The following HIVEP3 variants were observed in gnomAD, a reference collection of about 807,000 sequenced individuals.
HIVEP3 encodes HIVEP zinc finger 3.
HIVEP3 carries 49 observed loss-of-function variants against 152.8 expected under a neutral mutation model. The ratio of observed to expected loss-of-function variants is 0.32; its 90% CI spans 0.26 to 0.41. The LOEUF is 0.41. HIVEP3 is among the 10% of genes least tolerant of loss of function. HIVEP3 has a pLI of 1.00. For missense variants in HIVEP3, 2,790 were observed against 3,103.3 expected (o/e 0.90, Z 2.40); for synonymous variants, 1,269 against 1,289.0 (o/e 0.98, Z 0.33).
chr1:41,545,260 CCACTACCACCACCAT>C (rs1192124338), intron 5 of HIVEP3, among the ~76,000 whole-genome samples: 8 of 143,018 alleles, frequency 5.6e-5, no homozygotes, highest in African/African-American at 2.1e-4. Context: ...ACCACTACCA[CCACTACCACCACCAT>C]CACTACCACC....
intron 5 of HIVEP3, among the ~76,000 whole-genome samples, chr1:41,531,865 G>A (rs111162027): frequency 0.036 from 1,840 of 51,132 alleles, 3 homozygotes; most frequent in East Asian, 0.14. Flanking sequence ...GGGAGATGGA[G>A]GACAGGAGAG....
At chr1:41,512,639 G>C (rs572341699) in intron 8 of HIVEP3, among the ~76,000 whole-genome samples, 177 bp downstream of exon 8, 10 of 152,358 alleles carry the variant, frequency 6.6e-5, no homozygotes, top group Middle Eastern at 3.4e-3. Context: ...AGCTGATTTA[G>C]GGCAGCCAGC....
At position 41,511,324 on chromosome 1, in the gene HIVEP3, G is replaced by T; in HGVS notation, c.6406-58C>A. The T allele has an allele frequency of 7.0e-7, 1 of 1,421,064 alleles. No homozygotes were observed. The highest frequency in any genetic ancestry group is 9.4e-7 in the Non-Finnish European group (1 of 1,059,622). The allele number at this position is 1,421,064 out of a possible 1,614,324, so 88.0% of individuals were successfully genotyped here. ...AGGTTACATGCTGGGCACATGGGGA[G>T]CCGAGGCCTGGAAGTGGGAGGGGGA... On this transcript the variant is annotated intron_variant, in intron 8 of 8. Transcript: ENST00000372583. This position sits in a 1 kb window ranked among gnomAD's most constrained non-coding sequence, Gnocchi z 4.9.
intron 1 of HIVEP3, among the ~76,000 whole-genome samples, chr1:41,888,566 C>A (rs1018015574): frequency 6.6e-6 from 1 of 151,698 alleles, no homozygotes; most frequent in African/African-American, 2.4e-5. Flanking sequence ...AGGTGTTAGG[C>A]CTTGTAGAGA....
chr1:41,980,919 G>T (rs1645290300), intron 1 of HIVEP3, among the ~76,000 whole-genome samples: 1 of 152,208 alleles, frequency 6.6e-6, no homozygotes, highest in South Asian at 2.1e-4. Context: ...AATACTCCAT[G>T]AGGAATGTTA....
intron 2 of HIVEP3, among the ~76,000 whole-genome samples, chr1:41,634,434 T>C (rs1645240801): frequency 6.6e-6 from 1 of 151,956 alleles, no homozygotes; most frequent in Non-Finnish European, 1.5e-5. Flanking sequence ...GAAAACTCTA[T>C]TAATTTAGCC....
chr1:41,602,128 T>A (rs918820343), intron 3 of HIVEP3, among the ~76,000 whole-genome samples: 1 of 151,962 alleles, frequency 6.6e-6, no homozygotes, highest in South Asian at 2.1e-4. Flanking sequence ...TTTAATGCAC[T>A]ATTTGGTTTG....
chr1:41,925,218 A>G (rs539216623), intron 1 of HIVEP3, among the ~76,000 whole-genome samples: 166 of 152,308 alleles, frequency 1.1e-3, no homozygotes, highest in African/African-American at 3.4e-3. Flanking sequence ...AATACAACTG[A>G]CCCTGAACAA....
chr1:41,744,863 A>T (rs1417617159), intron 1 of HIVEP3, among the ~76,000 whole-genome samples: 1 of 152,186 alleles, frequency 6.6e-6, no homozygotes, highest in Non-Finnish European at 1.5e-5. Flanking sequence ...AAACCAAGCC[A>T]TGTTTGAGGA....
intron 1 of HIVEP3, among the ~76,000 whole-genome samples, chr1:41,963,791 G>A (rs1645182542): frequency 6.6e-6 from 1 of 152,142 alleles, no homozygotes; most frequent in South Asian, 2.1e-4. Flanking sequence ...GATAACCAAT[G>A]GGACAAGCTT....
At chr1:41,574,250 T>C (rs1644294015) in intron 5 of HIVEP3, among the ~76,000 whole-genome samples, 1 of 151,950 alleles carries the variant, frequency 6.6e-6, no homozygotes, top group Non-Finnish European at 1.5e-5. Context: ...AGGGATCCAG[T>C]GGCATGAGAA....
chr1:41,725,859 C>T (rs6668076), intron 1 of HIVEP3, among the ~76,000 whole-genome samples: 16,315 of 152,174 alleles, frequency 0.11, 2,411 homozygotes, highest in African/African-American at 0.32. Flanking sequence ...GAAGCCTCCC[C>T]GACATTCTAT....
chr1:41,691,412 C>T lies in HIVEP3; in HGVS notation c.-721+9504G>A, dbSNP rs981948360. Among the ~76,000 whole-genome samples the T allele has an allele frequency of 2.0e-5, 3 of 152,108 alleles. No homozygotes were observed. The East Asian group carries it at 5.8e-4, about 29-fold the overall frequency. On this transcript the variant is annotated intron_variant, in intron 2 of 8. Transcript: ENST00000372583. ...CTGCTATGGCCTGAATGTATGTATC[C>T]CTCCAAAATTCATATGTTGAAATCC...
chr1:41,650,365 A>G (rs1195511464), intron 2 of HIVEP3, among the ~76,000 whole-genome samples: 1 of 152,198 alleles, frequency 6.6e-6, no homozygotes, highest in Non-Finnish European at 1.5e-5. Flanking sequence ...TGGCATGGGC[A>G]TGGCGGGGGC....
chr1:41,608,277 T>C (rs1389704413), intron 3 of HIVEP3, among the ~76,000 whole-genome samples: 1 of 152,174 alleles, frequency 6.6e-6, no homozygotes, highest in African/African-American at 2.4e-5. Flanking sequence ...ACTCCCACAA[T>C]TGCCAAAAGA....
At chr1:41,588,721 G>A (rs1644542218) in intron 3 of HIVEP3, among the ~76,000 whole-genome samples, 1 of 152,200 alleles carries the variant, frequency 6.6e-6, no homozygotes, top group Non-Finnish European at 1.5e-5. Context: ...TTGGCTGCCA[G>A]GGCGCAGAGT....
Position 41,875,515 on chromosome 1 carries a change from TCTCA to T in HIVEP3, c.-801+42894_-801+42897del, listed in dbSNP as rs1644154994. ...CCATGTCATGCCCTGGCTTAAAACC[TCTCA>T]ATGGTTTCCTCTGGCATCTCCAGTA... On this transcript the variant is annotated intron_variant, in intron 1 of 8. Transcript: ENST00000372583. Among the ~76,000 whole-genome samples, 5 of 152,358 alleles carry T rather than the reference TCTCA, an allele frequency of 3.3e-5. No individual in the cohort carries two copies. In the South Asian group the frequency reaches 1.0e-3, roughly 32 times the overall value.
intron 1 of HIVEP3, among the ~76,000 whole-genome samples, chr1:41,908,494 T>C (rs1325498378): frequency 6.6e-6 from 1 of 152,244 alleles, no homozygotes; most frequent in African/African-American, 2.4e-5. Context: ...TATCATTGAA[T>C]GAATCATTAA....
chr1:41,626,885 G>C (rs1338791699), intron 3 of HIVEP3, among the ~76,000 whole-genome samples: 1 of 152,166 alleles, frequency 6.6e-6, no homozygotes, highest in African/African-American at 2.4e-5. Context: ...AAAGTGCTGG[G>C]TCTTTTGTAA....
Sources: gnomAD v4.1 joint callset for allele counts (sites outside exome capture counted in the v4.1 genomes callset) on GRCh38, gnomAD v4.1.1 for gene constraint, Gnocchi (gnomAD v3.1) non-coding constraint, MANE v1.5 for transcripts, NCBI Gene and HGNC (gene_info 2026-07-23, HGNC 2026-07-21) for gene names.